Variants in LARGE2 observed in about 807,000 individuals in gnomAD.
LARGE2 encodes the protein LARGE xylosyl- and glucuronyltransferase 2.
Under a neutral mutation model 75.3 loss-of-function variants are expected in LARGE2, and 63 were observed. That is an observed-to-expected ratio of 0.84 (90% confidence interval 0.68 to 1.03). The LOEUF (loss-of-function observed/expected upper bound fraction) is 1.03. Ranked by LOEUF, LARGE2 falls within the 50% of genes least tolerant of loss-of-function variation. The probability of loss-of-function intolerance (pLI) is 0.00; values close to 1 mark genes in which losing one functional copy is unlikely to be tolerated. For missense variants in LARGE2, 925 were observed against 980.6 expected (o/e 0.94, Z 0.76); for synonymous variants, 428 against 420.1 (o/e 1.02, Z -0.23).
chr11:45,925,984 G>T, intron 6 of LARGE2, 55 bp from the exon 7 acceptor site: 2 of 1,470,520 alleles, frequency 1.4e-6, no homozygotes, highest in Middle Eastern at 3.5e-4. Context: ...TGACCCCCAT[G>T]TCCCCCAGGA....
intron 11 of LARGE2, 112 bp downstream of exon 11, chr11:45,927,705 T>A: frequency 6.7e-7 from 1 of 1,501,846 alleles, no homozygotes; most frequent in Non-Finnish European, 9.1e-7. Flanking sequence ...GTGGCCTCTG[T>A]CAATTGGGGT....
In LARGE2 at chr11:45,924,843, G is replaced by A. The variant is rs532814183; in HGVS notation, c.723G>A (p.Trp241Ter). ...NQSDWYLGNL[W>*]KNHRPWPALG... ...GTGACTGGTACCTGGGCAACCTCTG[G>A]AAGAACCACAGGCCCTGGCCTGCCT... Residue 241 changes from tryptophan to a stop codon, truncating the protein, a stop_gained, in exon 6 of 14, where the codon TGG becomes TGA. Coordinates refer to ENST00000401752, the MANE Select transcript of LARGE2 (RefSeq NM_001300721.2). LOFTEE classifies it high-confidence loss of function. 2.0e-6 allele frequency: 3 copies of A among 1,510,856 alleles called. No homozygotes were observed. In the South Asian group the frequency reaches 3.9e-5, roughly 20 times the overall value. 93.6% of individuals were successfully genotyped at this position (1,510,856 alleles called of 1,614,324 possible).
At position 45,926,210 on chromosome 11, in the gene LARGE2, G is replaced by A; in HGVS notation, c.883-12G>A. ...GGCTGGGGGCTGGGATGTGATGGGT[G>A]TCTCTGCTCAGGACATCTTCAACGC... On this transcript the variant is annotated splice_polypyrimidine_tract_variant and intron_variant, in intron 7 of 13. Coordinates refer to ENST00000401752, the MANE Select transcript of LARGE2 (RefSeq NM_001300721.2). The A allele has an allele frequency of 1.2e-6, 2 of 1,613,694 alleles. No individual in the cohort carries two copies. Among genetic ancestry groups the A allele is most frequent in the Non-Finnish European group, 1.7e-6 (2 of 1,179,762 alleles).
In LARGE2 at chr11:45,927,551, A is replaced by G. The variant is rs1278472750; in HGVS notation, c.1562A>G (p.Asp521Gly). The change falls in exon 11 of 14, where the codon GAC (aspartate) becomes GGC (glycine). Residue 521 changes from aspartate to glycine, a missense_variant. Asp to Gly is a moderately conservative substitution (Grantham distance 94). Coordinates refer to ENST00000401752, the MANE Select transcript of LARGE2 (RefSeq NM_001300721.2). ...CTCACGCCTTACGTCTTCCTCAGTG[A>G]CATTGACTTCCTGCCTGCCTATTCT... ...QALTPYVFLS[D>G]IDFLPAYSLY... 8 of 1,614,100 alleles carry G rather than the reference A, an allele frequency of 5.0e-6. No homozygotes were observed. The highest frequency in any genetic ancestry group is 6.8e-6 in the Non-Finnish European group (8 of 1,180,024).
Position 45,928,837 on chromosome 11 carries a change from C to T in LARGE2, c.2158C>T (p.Arg720Ter), listed in dbSNP as rs377190327. 48 of 1,613,142 alleles carry T rather than the reference C, an allele frequency of 3.0e-5. No individual in the cohort carries two copies. The highest frequency in any genetic ancestry group is 2.5e-4 in the East Asian group (11 of 44,876). The change falls in exon 14 of 14, where the codon CGA (arginine) becomes TGA (stop). Residue 720 changes from arginine (R) to a stop codon, truncating the protein, a stop_gained. Transcript: ENST00000401752. LOFTEE classifies it high-confidence loss of function. ...PALQQPQSPA[R>*]G ...CCTGCAGCAGCCCCAGAGCCCTGCCCGAGGCTGAGGCTGGGCCGGCGCTGC... is the reference window on the plus strand; with the variant it reads ...CCTGCAGCAGCCCCAGAGCCCTGCCTGAGGCTGAGGCTGGGCCGGCGCTGC...
At position 45,923,523 on chromosome 11, in the gene LARGE2, C is replaced by T. The variant is rs201945291; in HGVS notation, c.336C>T (p.Val112=). ...CGGGGCATAACTCCAGCCGAGACGT[C>T]ATCACCCTGGTGAAGTCCATGCTCT... ...VCAGHNSSRD[V]ITLVKSMLFY... is the part of the protein sequence containing the mutation. Residue 112 remains valine (V), a synonymous_variant, in exon 3 of 14, where the codon GTC becomes GTT. Transcript: ENST00000401752. The T allele has an allele frequency of 2.3e-5, 37 of 1,614,004 alleles. No individual in the cohort carries two copies. In the East Asian group the frequency reaches 6.7e-4, roughly 29 times the overall value.
intron 4 of LARGE2, 34 bp from the exon 5 acceptor site, chr11:45,924,472 C>T: frequency 6.2e-7 from 1 of 1,602,394 alleles, no homozygotes; most frequent in Non-Finnish European, 8.5e-7. Flanking sequence ...AGGCCCCTCT[C>T]TGCCATCTCA....
In LARGE2 at chr11:45,922,968, G is replaced by T; in HGVS notation, c.86G>T (p.Gly29Val). Residue 29 changes from glycine (G) to valine (V), a missense_variant, in exon 2 of 14, where the codon GGG (glycine) becomes GTG (valine). By Grantham distance (109) the Gly-to-Val change is moderately radical. Coordinates refer to ENST00000401752, the MANE Select transcript of LARGE2 (RefSeq NM_001300721.2). ...CTGCTCGGATTCCTCCTGTTCGGTGGGGACCTGGGGTGTGAGCGCCGCGAG... is the reference window on the plus strand; with the variant it reads ...CTGCTCGGATTCCTCCTGTTCGGTGTGGACCTGGGGTGTGAGCGCCGCGAG... ...LLLLGFLLFG[G>V]DLGCERREPG... is the part of the protein sequence containing the mutation. 7.6e-7 allele frequency: 1 copy of T among 1,314,862 alleles called. No individual in the cohort carries two copies. The highest frequency in any genetic ancestry group is 9.6e-7 in the Non-Finnish European group (1 of 1,037,584). 81.4% of individuals were successfully genotyped at this position (1,314,862 alleles called of 1,614,324 possible). A position where few individuals can be genotyped will look rare whatever the true frequency, so the allele number is the denominator to read the frequency against.
rs553199792 is a variant in LARGE2, at chr11:45,924,512, G to A, written c.499G>A (p.Val167Ile). ...CTGCCTTTCCCCCACACAGCCCCAG[G>A]TCTCCTGGATCCCCAACAAGCACTA... ...FYHADQLKPQ[V>I]SWIPNKHYSG... The change falls in exon 5 of 14, where the codon GTC becomes ATC. Residue 167 changes from valine (V) to isoleucine (I), a missense_variant. This residue lies in a region of LARGE2 where 453 missense variants were observed against 460.2 expected (regional missense o/e 0.98). Coordinates refer to ENST00000401752, the MANE Select transcript of LARGE2 (RefSeq NM_001300721.2). The A allele has an allele frequency of 3.7e-6, 6 of 1,612,152 alleles. 1 individual carries two copies. The highest frequency in any genetic ancestry group is 2.5e-6 in the Non-Finnish European group (3 of 1,179,200).
Position 45,928,899 on chromosome 11 carries a change from T to C in LARGE2, c.*54T>C. On this transcript the variant is annotated 3_prime_UTR_variant, in exon 14 of 14. Transcript: ENST00000401752. The stretch of plus-strand genomic sequence containing the variant: ...GCATTGGGCAGACACCAGGGCAACC[T>C]GCCCTCCGCCATCCCTGCTATTTAA... 6.2e-7 allele frequency: 1 copy of C among 1,601,204 alleles called. No individual in the cohort carries two copies. The highest frequency in any genetic ancestry group is 8.5e-7 in the Non-Finnish European group (1 of 1,173,788).
At position 45,929,021 on chromosome 11, in the gene LARGE2, GC is replaced by G. The variant is rs1477007063; in HGVS notation, c.*180del. 2 of 782,316 alleles carry G rather than the reference GC, an allele frequency of 2.6e-6. No homozygotes were observed. The highest frequency in any genetic ancestry group is 4.0e-6 in the Non-Finnish European group (2 of 502,076). The allele number at this position is 782,316 out of a possible 1,614,324, so 48.5% of individuals were successfully genotyped here. A position where few individuals can be genotyped will look rare whatever the true frequency, so the allele number is the denominator to read the frequency against. ...TATGGCTGGGGACTGGTCTCTCTCT[GC>G]CCCAGCCAGTTTGGGGCTGGTTCCC... On this transcript the variant is annotated 3_prime_UTR_variant, in exon 14 of 14. Transcript: ENST00000401752.
Position 45,923,569 on chromosome 11 carries a change from T to A in LARGE2, c.368+14T>A, listed in dbSNP as rs552840394. ...GCTCTTCTACAGGTACAGCCAGGTGTCCGTGGAGGAGGGTCAGGAGTGGGG... is the reference window on the plus strand; with the variant it reads ...GCTCTTCTACAGGTACAGCCAGGTGACCGTGGAGGAGGGTCAGGAGTGGGG... On this transcript the variant is annotated intron_variant, in intron 3 of 13. Transcript: ENST00000401752. The A allele has an allele frequency of 5.7e-5, 92 of 1,612,280 alleles. 2 individuals carry two copies. In the South Asian group the frequency reaches 9.8e-4, roughly 17 times the overall value.
In LARGE2 at chr11:45,928,965, G is replaced by A. The variant is rs1485474958; in HGVS notation, c.*120G>A. The A allele has an allele frequency of 1.5e-6, 2 of 1,324,792 alleles. No individual in the cohort carries two copies. Among genetic ancestry groups the A allele is most frequent in the East Asian group, 2.5e-5 (1 of 39,632 alleles). The allele number at this position is 1,324,792 out of a possible 1,614,324, so 82.1% of individuals were successfully genotyped here. On this transcript the variant is annotated 3_prime_UTR_variant, in exon 14 of 14. Coordinates refer to ENST00000401752, the MANE Select transcript of LARGE2 (RefSeq NM_001300721.2). ...TGGGAAGGGCTGGGGCAGAGCATCT[G>A]TGGGGTGGGGTCTTCCCCTTGCTGC...
Position 45,927,598 on chromosome 11 carries a change from G to A in LARGE2, c.1604+5G>A, listed in dbSNP as rs1417658458. 6.2e-7 allele frequency: 1 copy of A among 1,611,752 alleles called. No individual in the cohort carries two copies. The highest frequency in any genetic ancestry group is 1.3e-5 in the African/African-American group (1 of 74,934). ...TTCTCTCTACGACTACCTCAGGTGG[G>A]CCTGCAGGCAGAGAGGGGAACAATA... On this transcript the variant is annotated splice_donor_5th_base_variant and intron_variant, in intron 11 of 13. Transcript: ENST00000401752.
rs1361437588 is a variant in LARGE2, at chr11:45,927,359, T to C, written c.1370T>C (p.Met457Thr). Reference sequence around the variant, plus strand: ...CTGTGCAGGCACTGGCCTGGCCCCATGAGCCTGGCCTTGTACCTGACAGAC... The same window carrying C: ...CTGTGCAGGCACTGGCCTGGCCCCACGAGCCTGGCCTTGTACCTGACAGAC... ...EALCRHWPGP[M>T]SLALYLTDAE... Residue 457 changes from methionine to threonine, a missense_variant, in exon 11 of 14, where the codon ATG becomes ACG. Around this residue, in one of 3 missense-constraint regions of LARGE2, gnomAD observed 469 missense variants for 503.8 expected, o/e 0.93. Transcript: ENST00000401752. The C allele has an allele frequency of 1.2e-6, 2 of 1,613,758 alleles. No individual in the cohort carries two copies. Among genetic ancestry groups the C allele is most frequent in the East Asian group, 2.2e-5 (1 of 44,898 alleles).
chr11:45,928,778 ACC>A lies in LARGE2; in HGVS notation c.2100_2101del (p.His700GlnfsTer32). ...GAATTCCACCAGGACTTGTCCCGCC[ACC>A]ATGGGGCTGCTGCCCTCAAATACCT... is the stretch of plus-strand genomic sequence containing the variant. On this transcript the variant is annotated frameshift_variant, in exon 14 of 14. Transcript: ENST00000401752. LOFTEE classifies it high-confidence loss of function. The A allele has an allele frequency of 6.2e-7, 1 of 1,613,842 alleles. No individual in the cohort carries two copies. Among genetic ancestry groups the A allele is most frequent in the Middle Eastern group, 1.6e-4 (1 of 6,062 alleles).
intron 3 of LARGE2, among the ~76,000 whole-genome samples, 158 bp downstream of exon 3, chr11:45,923,713 G>A (rs1204397460): frequency 1.3e-5 from 2 of 152,156 alleles, no homozygotes; most frequent in Non-Finnish European, 2.9e-5. Context: ...CCTGCCGGGC[G>A]CGGTGGCTCA....
Position 45,927,352 on chromosome 11 carries a change from G to T in LARGE2, c.1363G>T (p.Gly455Cys). ...GGAAGCCCTGTGCAGGCACTGGCCT[G>T]GCCCCATGAGCCTGGCCTTGTACCT... ...MLEALCRHWP[G>C]PMSLALYLTD... Residue 455 changes from glycine (G) to cysteine (C), a missense_variant, in exon 11 of 14, where the codon GGC (glycine) becomes TGC (cysteine). By Grantham distance (159) the Gly-to-Cys change is radical (BLOSUM62 -3). Around this residue, in one of 3 missense-constraint regions of LARGE2, gnomAD observed 469 missense variants for 503.8 expected, o/e 0.93. Transcript: ENST00000401752. 6.2e-7 allele frequency: 1 copy of T among 1,613,798 alleles called. No homozygotes were observed. Among genetic ancestry groups the T allele is most frequent in the Non-Finnish European group, 8.5e-7 (1 of 1,180,020 alleles).
chr11:45,929,060 G>C lies in LARGE2; in HGVS notation c.*215G>C. 1.6e-6 allele frequency: 1 copy of C among 618,112 alleles called. No homozygotes were observed. Among genetic ancestry groups the C allele is most frequent in the Non-Finnish European group, 2.8e-6 (1 of 356,042 alleles). The allele number at this position is 618,112 out of a possible 1,614,324, so 38.3% of individuals were successfully genotyped here. ...GGGGCTGGTTCCCCCATCTTGAATT[G>C]TTTATCCCTTTTTCATAATTAAAGT... On this transcript the variant is annotated 3_prime_UTR_variant, in exon 14 of 14. Transcript: ENST00000401752.
Sources: gnomAD v4.1 joint callset for allele counts (sites outside exome capture counted in the v4.1 genomes callset) on GRCh38, gnomAD v4.1.1 for gene constraint, gnomAD v4.1.1 regional missense constraint, MANE v1.5 for transcripts, NCBI Gene and HGNC (gene_info 2026-07-23, HGNC 2026-07-21) for gene names.